The following ASXL2 variants were observed in gnomAD, a reference collection of about 807,000 sequenced individuals.
ASXL2 encodes ASXL transcriptional regulator 2.
A neutral mutation model predicts 122.0 loss-of-function variants in ASXL2; 23 were observed. The observed-to-expected ratio is 0.19, with a 90% CI of 0.14 to 0.27. The LOEUF is 0.27. Among genes scored for constraint, ASXL2 ranks in the 10% least tolerant of loss-of-function variants. ASXL2 has a pLI of 1.00. For missense variants in ASXL2, 1,518 were observed against 1,713.8 expected (o/e 0.89, Z 2.02); for synonymous variants, 650 against 637.0 (o/e 1.02, Z -0.31).
At chr2:25,837,882 C>T (rs774817659) in intron 2 of ASXL2, among the ~76,000 whole-genome samples, 7 of 148,040 alleles carry the variant, frequency 4.7e-5, no homozygotes, top group African/African-American at 7.5e-5. Context: ...TTTGGGAGGC[C>T]GAAGCAGGCA....
At chr2:25,827,561 G>A (rs1461475828) in intron 3 of ASXL2, among the ~76,000 whole-genome samples, 3 of 152,112 alleles carry the variant, frequency 2.0e-5, no homozygotes, top group Non-Finnish European at 4.4e-5. Context: ...CAACTAATCT[G>A]CTTTTTAAAA....
At chr2:25,867,507 G>A (rs2089919347) in intron 1 of ASXL2, among the ~76,000 whole-genome samples, 1 of 152,126 alleles carries the variant, frequency 6.6e-6, no homozygotes, top group Admixed American at 6.5e-5. Context: ...GGTAAAAAAA[G>A]GTATGCAATG....
intron 3 of ASXL2, chr2:25,830,855 A>G (rs2089442417): frequency 6.6e-6 from 1 of 152,314 alleles, no homozygotes; most frequent in South Asian, 2.1e-4. Context: ...GGACAGAATC[A>G]GTGAGCTTAA....
intron 5 of ASXL2, among the ~76,000 whole-genome samples, chr2:25,774,006 G>A (rs2088504968): frequency 6.6e-6 from 1 of 151,748 alleles, no homozygotes; most frequent in Non-Finnish European, 1.5e-5. Context: ...CTCTAGCCTG[G>A]GCAACACAGT....
chr2:25,866,652 A>G (rs1327455792), intron 1 of ASXL2, among the ~76,000 whole-genome samples: 1 of 152,208 alleles, frequency 6.6e-6, no homozygotes, highest in Non-Finnish European at 1.5e-5. Context: ...TGACTTTTAT[A>G]TTCCAAACCA....
intron 1 of ASXL2, among the ~76,000 whole-genome samples, chr2:25,848,904 G>C (rs777359979): frequency 4.7e-5 from 7 of 148,862 alleles, no homozygotes; most frequent in Non-Finnish European, 1.5e-5. Context: ...AAATTAACTG[G>C]GCATGGTGGC....
At chr2:25,815,492 T>C (rs1423739585) in intron 3 of ASXL2, among the ~76,000 whole-genome samples, 5 of 151,990 alleles carry the variant, frequency 3.3e-5, no homozygotes, top group African/African-American at 1.2e-4. Context: ...ATCCTATACT[T>C]CTCTGAAACA....
At position 25,744,306 on chromosome 2, in the gene ASXL2, G is replaced by A. The variant is rs370773086; in HGVS notation, c.2031C>T (p.Ala677=). The change falls in exon 13 of 13, where the codon GCC becomes GCT. Residue 677 remains alanine, a synonymous_variant. Coordinates refer to ENST00000435504, the MANE Select transcript of ASXL2 (RefSeq NM_018263.6). The surrounding 1 kb of genome is among the most constrained non-coding windows in gnomAD (Gnocchi z 4.7). The part of the protein sequence containing the change: ...VKAQRAAAAA[A]AAAAAAASVG... ...CTGAGGCGGCTGCAGCAGCTGCGGCGGCAGCGGCAGCTGCTGCCCTCTGTG... is the reference window on the plus strand; with the variant it reads ...CTGAGGCGGCTGCAGCAGCTGCGGCAGCAGCGGCAGCTGCTGCCCTCTGTG... 8.1e-5 allele frequency: 131 copies of A among 1,611,116 alleles called. No individual in the cohort carries two copies. The highest frequency in any genetic ancestry group is 1.3e-4 in the East Asian group (6 of 44,876).
chr2:25,795,892 G>C (rs959422753), intron 5 of ASXL2, among the ~76,000 whole-genome samples: 7 of 152,184 alleles, frequency 4.6e-5, no homozygotes, highest in African/African-American at 1.7e-4. Context: ...AGGGAATGGA[G>C]GGCCCTGGAC....
intron 3 of ASXL2, among the ~76,000 whole-genome samples, chr2:25,808,931 T>A (rs2089123592): frequency 6.6e-6 from 1 of 152,188 alleles, no homozygotes; most frequent in Non-Finnish European, 1.5e-5. Context: ...GCCCACACAC[T>A]GTATAGGCTG....
At chr2:25,849,692 T>C (rs2089694216) in intron 1 of ASXL2, among the ~76,000 whole-genome samples, 1 of 151,930 alleles carries the variant, frequency 6.6e-6, no homozygotes. Flanking sequence ...CCCAGGCCGG[T>C]CTCGAACTGC....
chr2:25,778,816 C>T (rs2088587426), intron 5 of ASXL2, among the ~76,000 whole-genome samples: 1 of 152,052 alleles, frequency 6.6e-6, no homozygotes, highest in Non-Finnish European at 1.5e-5. Flanking sequence ...TTGGCCCAGA[C>T]CTGGATCAAC....
At position 25,738,185 on chromosome 2, in the gene ASXL2, A is replaced by G. The variant is rs562996248; in HGVS notation, c.*3844T>C. 19 of 152,296 alleles carry G rather than the reference A, an allele frequency of 1.2e-4. No individual in the cohort carries two copies. Among genetic ancestry groups the G allele is most frequent in the Middle Eastern group, 3.4e-3 (1 of 294 alleles). 9.4% of individuals were successfully genotyped at this position (152,296 alleles called of 1,614,324 possible). ...TCACTTTTTACAGATATTAAAATATATATTACTTAAAATATATTACTGGAA... is the reference window on the plus strand; with the variant it reads ...TCACTTTTTACAGATATTAAAATATGTATTACTTAAAATATATTACTGGAA... On this transcript the variant is annotated 3_prime_UTR_variant, in exon 13 of 13. Coordinates refer to ENST00000435504, the MANE Select transcript of ASXL2 (RefSeq NM_018263.6).
Position 25,749,705 on chromosome 2 carries a change from T to C in ASXL2, c.1851A>G (p.Pro617=). Residue 617 remains proline, a synonymous_variant, in exon 12 of 13, where the codon CCA becomes CCG. Coordinates refer to ENST00000435504, the MANE Select transcript of ASXL2 (RefSeq NM_018263.6). ...CTCTCCATTCTCTTACCTTGAGAGG[T>C]GGTACTTTTCGCACCTGGATTCTGT... ...RGDRIQVRKV[P]PLKIPVSRIS... 1 of 1,519,678 alleles carries C rather than the reference T, an allele frequency of 6.6e-7. No individual in the cohort carries two copies. Among genetic ancestry groups the C allele is most frequent in the Non-Finnish European group, 8.8e-7 (1 of 1,137,060 alleles). 94.1% of individuals were successfully genotyped at this position (1,519,678 alleles called of 1,614,324 possible). A position where few individuals can be genotyped will look rare whatever the true frequency, so the allele number is the denominator to read the frequency against.
Position 25,826,038 on chromosome 2 carries a change from G to A in ASXL2, c.143+9500C>T, listed in dbSNP as rs553248185. 3.3e-5 allele frequency among the ~76,000 whole-genome samples: 5 copies of A among 152,248 alleles called. No individual in the cohort carries two copies. The South Asian group carries it at 6.2e-4, about 19-fold the overall frequency. The stretch of plus-strand genomic sequence containing the variant: ...CCAATGTCTTATACAAGCATACAAC[G>A]TGGTGGGCGGGCACTATGTCCTCAA... On this transcript the variant is annotated intron_variant, in intron 3 of 12. Transcript: ENST00000435504.
chr2:25,855,585 G>A (rs905588256), intron 1 of ASXL2, among the ~76,000 whole-genome samples: 2 of 152,156 alleles, frequency 1.3e-5, no homozygotes, highest in African/African-American at 4.8e-5. Context: ...AGAATCACTT[G>A]AACCCAGGAG....
intron 5 of ASXL2, among the ~76,000 whole-genome samples, chr2:25,796,186 T>A (rs898450525): frequency 6.6e-6 from 1 of 152,220 alleles, no homozygotes; most frequent in African/African-American, 2.4e-5. Flanking sequence ...TAGTGAATTA[T>A]AACTATTTTT....
intron 1 of ASXL2, among the ~76,000 whole-genome samples, chr2:25,868,541 A>C (rs1015884133): frequency 6.6e-6 from 1 of 152,252 alleles, no homozygotes; most frequent in African/African-American, 2.4e-5. Context: ...TAGTTCTGTC[A>C]AGCAAGGTCA....
intron 5 of ASXL2, among the ~76,000 whole-genome samples, chr2:25,785,584 G>A (rs554724664): frequency 8.6e-5 from 13 of 151,522 alleles, no homozygotes; most frequent in African/African-American, 2.4e-4. Context: ...GTCTCATTCC[G>A]TCCCCTGGCT....
Sources: gnomAD v4.1 joint callset for allele counts (sites outside exome capture counted in the v4.1 genomes callset) on GRCh38, gnomAD v4.1.1 for gene constraint, Gnocchi (gnomAD v3.1) non-coding constraint, MANE v1.5 for transcripts, NCBI Gene and HGNC (gene_info 2026-07-23, HGNC 2026-07-21) for gene names.